Variants in RNF150 observed in about 807,000 individuals in gnomAD.
RNF150 encodes ring finger protein 150.
RNF150 carries 24 observed loss-of-function variants against 39.3 expected under a neutral mutation model. The observed-to-expected ratio is 0.61, with a 90% CI of 0.44 to 0.86. The LOEUF (loss-of-function observed/expected upper bound fraction) is 0.86, where lower values mean the gene tolerates loss of function less well. Ranked by LOEUF, RNF150 falls within the 40% of genes least tolerant of loss-of-function variation. RNF150 has a pLI of 0.00. For synonymous variants in RNF150, 255 were observed against 227.3 expected (o/e 1.12, Z -1.10); for missense variants, 502 against 587.8 (o/e 0.85, Z 1.51).
intron 1 of RNF150, among the ~76,000 whole-genome samples, chr4:141,085,076 A>G (rs1027671295): frequency 6.6e-6 from 1 of 152,204 alleles, no homozygotes; most frequent in Non-Finnish European, 1.5e-5. Flanking sequence ...TGGGTAATTT[A>G]TAAAGAAAAA....
intron 1 of RNF150, among the ~76,000 whole-genome samples, chr4:141,062,234 C>T (rs528849910): frequency 6.6e-6 from 1 of 152,162 alleles, no homozygotes; most frequent in South Asian, 2.1e-4. Flanking sequence ...ATTACTCTTC[C>T]TTCTGAGTCT....
In RNF150 at chr4:140,900,625, TCTCAGGC is replaced by T. The variant is rs956412117; in HGVS notation, c.1198+10512_1198+10518del. 2.3e-4 allele frequency among the ~76,000 whole-genome samples: 35 copies of T among 152,146 alleles called. 1 individual carries two copies. The highest frequency in any genetic ancestry group is 2.1e-3 in the Admixed American group (32 of 15,270). ...GATGGTTTAGGATACAATCTAGAGC[TCTCAGGC>T]CTCGACACTACATCTTGGAAACTGA... On this transcript the variant is annotated intron_variant, in intron 6 of 6. Coordinates refer to ENST00000515673, the MANE Select transcript of RNF150 (RefSeq NM_020724.2).
chr4:141,153,646 C>T (rs1288952558), intron 1 of RNF150, among the ~76,000 whole-genome samples: 1 of 152,058 alleles, frequency 6.6e-6, no homozygotes, highest in Non-Finnish European at 1.5e-5. Flanking sequence ...ATTCACCTAT[C>T]CAAAGAGAAA....
rs1731183765 is a variant in RNF150, at chr4:140,922,197, C to T, written c.987+3780G>A. ...TCAAATTGTCCCTGTTTGCAGATGA[C>T]ATGATTGTATATCTAGAAAACCCCA... On this transcript the variant is annotated intron_variant, in intron 5 of 6. Coordinates refer to ENST00000515673, the MANE Select transcript of RNF150 (RefSeq NM_020724.2). Among the ~76,000 whole-genome samples, 14 of 151,152 alleles carry T rather than the reference C, an allele frequency of 9.3e-5. No homozygotes were observed. The South Asian group carries it at 3.0e-3, about 32-fold the overall frequency.
chr4:141,181,606 ACTTT>A (rs1254117316), intron 1 of RNF150, among the ~76,000 whole-genome samples: 1 of 152,190 alleles, frequency 6.6e-6, no homozygotes, highest in Non-Finnish European at 1.5e-5. Context: ...ACTCAATGAC[ACTTT>A]CTTTTTTGCA....
chr4:141,038,378 C>T (rs1257702632), intron 1 of RNF150, among the ~76,000 whole-genome samples: 2 of 152,018 alleles, frequency 1.3e-5, no homozygotes, highest in Non-Finnish European at 1.5e-5. Flanking sequence ...TTCTTCTGGG[C>T]GTCGAGTAAT....
intron 2 of RNF150, among the ~76,000 whole-genome samples, chr4:140,965,461 T>C (rs541912989): frequency 4.5e-4 from 69 of 152,284 alleles, no homozygotes; most frequent in African/African-American, 1.6e-3. Context: ...TGTGACATTA[T>C]TCACGACAGC....
intron 1 of RNF150, among the ~76,000 whole-genome samples, chr4:141,148,914 T>C (rs1162810944): frequency 6.6e-6 from 1 of 152,202 alleles, no homozygotes; most frequent in East Asian, 1.9e-4. Flanking sequence ...GGTGGCTTTA[T>C]CATTCCTCCT....
chr4:140,896,850 T>C (rs777106307), intron 6 of RNF150, among the ~76,000 whole-genome samples: 1 of 151,622 alleles, frequency 6.6e-6, no homozygotes, highest in African/African-American at 2.4e-5. Flanking sequence ...AGGTCACACA[T>C]CAGGTCGGGG....
intron 1 of RNF150, among the ~76,000 whole-genome samples, chr4:141,008,907 A>G (rs761333448): frequency 2.6e-4 from 40 of 152,260 alleles, no homozygotes; most frequent in Middle Eastern, 3.4e-3. Context: ...ATTTTTACAT[A>G]AATTTAACAT....
At position 140,957,245 on chromosome 4, in the gene RNF150, T is replaced by C. The variant is rs538257986; in HGVS notation, c.736-7873A>G. 5.9e-4 allele frequency among the ~76,000 whole-genome samples: 90 copies of C among 152,232 alleles called. 1 individual carries two copies. Among genetic ancestry groups the C allele is most frequent in the African/African-American group, 2.0e-3 (83 of 41,544 alleles). ...CCCATCAAAAAGTGGGCGAAGGACA[T>C]GAACAGACACTTCTCAAAAGAGGAC... On this transcript the variant is annotated intron_variant, in intron 2 of 6. Coordinates refer to ENST00000515673, the MANE Select transcript of RNF150 (RefSeq NM_020724.2).
intron 1 of RNF150, among the ~76,000 whole-genome samples, chr4:141,168,802 G>A (rs2111169187): frequency 6.6e-6 from 1 of 152,252 alleles, no homozygotes; most frequent in African/African-American, 2.4e-5. Context: ...CAGGGGGTGG[G>A]GAGTTAGGGG....
intron 1 of RNF150, among the ~76,000 whole-genome samples, chr4:140,979,624 G>T (rs773647029): frequency 6.6e-6 from 1 of 151,740 alleles, no homozygotes; most frequent in African/African-American, 2.4e-5. Flanking sequence ...ACCAAAGGAG[G>T]CAGAGTGGGA....
At chr4:140,883,619 A>T (rs1369826852) in intron 6 of RNF150, among the ~76,000 whole-genome samples, 1 of 152,064 alleles carries the variant, frequency 6.6e-6, no homozygotes, top group Non-Finnish European at 1.5e-5. Context: ...TTTCTAGCCT[A>T]TAAGGTTTCT....
chr4:140,909,325 T>C (rs1730506749), intron 6 of RNF150, among the ~76,000 whole-genome samples: 1 of 152,194 alleles, frequency 6.6e-6, no homozygotes, highest in Non-Finnish European at 1.5e-5. Context: ...ATTTCAAATG[T>C]GGCTAGTTAA....
At chr4:140,945,556 T>C (rs1442327207) in intron 4 of RNF150, among the ~76,000 whole-genome samples, 1 of 147,780 alleles carries the variant, frequency 6.8e-6, no homozygotes, top group Non-Finnish European at 1.5e-5. Context: ...ATACACTACA[T>C]ATATATATAC....
chr4:140,992,592 T>TGTCATA (rs1413177496), intron 1 of RNF150, among the ~76,000 whole-genome samples: 3 of 152,102 alleles, frequency 2.0e-5, no homozygotes, highest in Non-Finnish European at 4.4e-5. Context: ...GCAGAGGCAG[T>TGTCATA]GTCATAGTGT....
intron 4 of RNF150, among the ~76,000 whole-genome samples, chr4:140,940,727 C>T (rs765512081): frequency 3.9e-4 from 59 of 152,156 alleles, no homozygotes; most frequent in Admixed American, 8.5e-4. Flanking sequence ...GTTCTGAGAA[C>T]TCCCTTCTCC....
At chr4:141,194,963 C>G (rs1190179732) in intron 1 of RNF150, among the ~76,000 whole-genome samples, 1 of 152,128 alleles carries the variant, frequency 6.6e-6, no homozygotes, top group Non-Finnish European at 1.5e-5. Context: ...GTTTACAGCA[C>G]TGCCTGGCAC....
Sources: allele counts gnomAD v4.1 joint callset (sites outside exome capture counted in the v4.1 genomes callset), GRCh38; gene constraint gnomAD v4.1.1; transcripts MANE v1.5; gene names NCBI Gene and HGNC (gene_info 2026-07-23, HGNC 2026-07-21).